GLS: variants seen among roughly 807,000 people sequenced by gnomAD.
The protein encoded by GLS is glutaminase.
GLS carries 36 observed loss-of-function variants against 86.7 expected under a neutral mutation model. The observed-to-expected ratio is 0.42, with a 90% CI of 0.32 to 0.55. The LOEUF (loss-of-function observed/expected upper bound fraction) is 0.55, where lower values mean the gene tolerates loss of function less well. GLS is among the 20% of genes least tolerant of loss of function. The pLI, the probability that GLS is intolerant of heterozygous loss-of-function variation, is 0.17. For synonymous variants in GLS, 317 were observed against 305.9 expected (o/e 1.04, Z -0.38); for missense variants, 528 against 833.4 (o/e 0.63, Z 4.51).
chr2:190,963,373 T>A lies in GLS; in HGVS notation c.*387T>A, dbSNP rs1413939524. 1 of 155,736 alleles carries A rather than the reference T, an allele frequency of 6.4e-6. No individual in the cohort carries two copies. Among genetic ancestry groups the A allele is most frequent in the African/African-American group, 2.4e-5 (1 of 41,564 alleles). 9.6% of individuals were successfully genotyped at this position (155,736 alleles called of 1,614,324 possible). A position where few individuals can be genotyped will look rare whatever the true frequency, so the allele number is the denominator to read the frequency against. On this transcript the variant is annotated 3_prime_UTR_variant, in exon 18 of 18. Transcript: ENST00000320717. ...TCTGTCCAAATGGGTCAAGGTTGCC[T>A]TTAGAAGCAAATAGTGTGATTTTCA... is the stretch of plus-strand genomic sequence containing the variant.
At chr2:190,932,254 CT>C (rs1449387855) in intron 14 of GLS, among the ~76,000 whole-genome samples, 2 of 151,690 alleles carry the variant, frequency 1.3e-5, no homozygotes, top group African/African-American at 4.8e-5. Context: ...ACATATATTC[CT>C]TTTTTTAGAA....
At chr2:190,893,214 CT>C (rs1688621846) in intron 1 of GLS, among the ~76,000 whole-genome samples, 1 of 152,094 alleles carries the variant, frequency 6.6e-6, no homozygotes, top group Non-Finnish European at 1.5e-5. Flanking sequence ...AGGATAAGAC[CT>C]AGAAAACTTG....
chr2:190,881,710 C>T (rs1011031420), intron 1 of GLS: 1 of 457,732 alleles, frequency 2.2e-6, no homozygotes, highest in Non-Finnish European at 3.9e-6. Context: ...GGGGGTCGCC[C>T]TGGTGGGGCC....
At position 190,924,872 on chromosome 2, in the gene GLS, G is replaced by A. The variant is rs1225894866; in HGVS notation, c.1248+279G>A. 1.7e-5 allele frequency: 5 copies of A among 290,102 alleles called. No homozygotes were observed. The highest frequency in any genetic ancestry group is 4.9e-5 in the Admixed American group (1 of 20,474). 18.0% of individuals were successfully genotyped at this position (290,102 alleles called of 1,614,324 possible). ...CGAGGTTGCAGTGAGCCGAGATCAC[G>A]CCACTGCATTCCAGCCTGGCGACAC... On this transcript the variant is annotated intron_variant, in intron 11 of 17. Coordinates refer to ENST00000320717, the MANE Select transcript of GLS (RefSeq NM_014905.5). This position sits in a 1 kb window ranked among gnomAD's most constrained non-coding sequence, Gnocchi z 5.2.
chr2:190,904,751 TG>T (rs1410671984), intron 5 of GLS, among the ~76,000 whole-genome samples: 7 of 152,156 alleles, frequency 4.6e-5, no homozygotes, highest in Non-Finnish European at 7.4e-5. Flanking sequence ...TATATGCAAA[TG>T]CTATATCATT....
intron 7 of GLS, among the ~76,000 whole-genome samples, chr2:190,918,664 T>C (rs1261827128): frequency 6.6e-6 from 1 of 152,178 alleles, no homozygotes; most frequent in African/African-American, 2.4e-5. Flanking sequence ...CTAACTTTGG[T>C]GCAAGAGGCT....
In GLS at chr2:190,953,408, G is replaced by A. The variant is rs1348579313; in HGVS notation, c.1651-157G>A. Among the ~76,000 whole-genome samples, 4 of 152,098 alleles carry A rather than the reference G, an allele frequency of 2.6e-5. No individual in the cohort carries two copies. Among genetic ancestry groups the A allele is most frequent in the African/African-American group, 9.7e-5 (4 of 41,402 alleles). ...GTTAAAAGAAGAAAGTATCACACAC[G>A]TGGGTTCTTTTGGCTATGGAAGTGT... On this transcript the variant is annotated intron_variant, in intron 14 of 17. Coordinates refer to ENST00000320717, the MANE Select transcript of GLS (RefSeq NM_014905.5). The surrounding 1 kb of genome is among the most constrained non-coding windows in gnomAD (Gnocchi z 4.0).
Position 190,951,729 on chromosome 2 carries a change from G to A in GLS, c.1651-1836G>A, listed in dbSNP as rs1690725494. Among the ~76,000 whole-genome samples, 1 of 152,154 alleles carries A rather than the reference G, an allele frequency of 6.6e-6. No homozygotes were observed. Among genetic ancestry groups the A allele is most frequent in the Non-Finnish European group, 1.5e-5 (1 of 68,022 alleles). Reference sequence around the variant, plus strand: ...GAAAAAAAAATTGTCAAGCAGTAATGAGAGACCAGGTGGAAATATGGAGAA... The same window carrying A: ...GAAAAAAAAATTGTCAAGCAGTAATAAGAGACCAGGTGGAAATATGGAGAA... On this transcript the variant is annotated intron_variant, in intron 14 of 17. Coordinates refer to ENST00000320717, the MANE Select transcript of GLS (RefSeq NM_014905.5). The surrounding 1 kb of genome is among the most constrained non-coding windows in gnomAD (Gnocchi z 4.2).
rs1691060120 is a variant in GLS at position 190,963,836 on chromosome 2, A to C, written c.*850A>C. Reference sequence around the variant, plus strand: ...AAGACGAACCAGAGACAAAATTACTAAGTATAAATTAGTCAAGTTTATCAG... The same window carrying C: ...AAGACGAACCAGAGACAAAATTACTCAGTATAAATTAGTCAAGTTTATCAG... On this transcript the variant is annotated 3_prime_UTR_variant, in exon 18 of 18. Transcript: ENST00000320717. 6.6e-6 allele frequency: 1 copy of C among 152,242 alleles called. No homozygotes were observed. The highest frequency in any genetic ancestry group is 2.4e-5 in the African/African-American group (1 of 41,450). The allele number at this position is 152,242 out of a possible 1,614,324, so 9.4% of individuals were successfully genotyped here.
intron 14 of GLS, among the ~76,000 whole-genome samples, chr2:190,944,524 G>A (rs1032783782): frequency 2.6e-5 from 4 of 152,122 alleles, no homozygotes; most frequent in Non-Finnish European, 4.4e-5. Flanking sequence ...AGCTGTCTTT[G>A]TCTTTGCTCA....
chr2:190,930,359 C>A lies in GLS; in HGVS notation c.1426-78C>A. On this transcript the variant is annotated intron_variant, in intron 12 of 17. Coordinates refer to ENST00000320717, the MANE Select transcript of GLS (RefSeq NM_014905.5). The surrounding 1 kb of genome is among the most constrained non-coding windows in gnomAD (Gnocchi z 5.0). ...AGGAGTGAGCCATGGTGCCCAGCCC[C>A]AGTTTCCCTATTGTTGAACATAACA... The A allele has an allele frequency of 9.2e-7, 1 of 1,092,132 alleles. No individual in the cohort carries two copies. Among genetic ancestry groups the A allele is most frequent in the Non-Finnish European group, 1.4e-6 (1 of 718,794 alleles). The allele number at this position is 1,092,132 out of a possible 1,614,324, so 67.7% of individuals were successfully genotyped here. A position where few individuals can be genotyped will look rare whatever the true frequency, so the allele number is the denominator to read the frequency against.
At position 190,943,045 on chromosome 2, in the gene GLS, T is replaced by A. The variant is rs1173814025; in HGVS notation, c.1651-10520T>A. Among the ~76,000 whole-genome samples, 2 of 152,192 alleles carry A rather than the reference T, an allele frequency of 1.3e-5. No homozygotes were observed. The highest frequency in any genetic ancestry group is 1.3e-4 in the Admixed American group (2 of 15,280). ...GCTTTACTGGAAACTCACCTGACGC[T>A]CATTGACCAGACTAACTGCAAGGGA... On this transcript the variant is annotated intron_variant, in intron 14 of 17. Transcript: ENST00000320717. This position sits in a 1 kb window ranked among gnomAD's most constrained non-coding sequence, Gnocchi z 4.5.
chr2:190,951,592 G>A lies in GLS; in HGVS notation c.1651-1973G>A, dbSNP rs768672603. Among the ~76,000 whole-genome samples, 7 of 152,240 alleles carry A rather than the reference G, an allele frequency of 4.6e-5. No individual in the cohort carries two copies. The highest frequency in any genetic ancestry group is 7.4e-5 in the Non-Finnish European group (5 of 68,026). ...AATGAGGAAGCTTTTTACTTTGAGCGATGAAAACAGTTTTTATCTTTTTAG... is the reference window on the plus strand; with the variant it reads ...AATGAGGAAGCTTTTTACTTTGAGCAATGAAAACAGTTTTTATCTTTTTAG... On this transcript the variant is annotated intron_variant, in intron 14 of 17. Transcript: ENST00000320717. The surrounding 1 kb of genome is among the most constrained non-coding windows in gnomAD (Gnocchi z 4.2).
At chr2:190,886,367 G>A (rs906446167) in intron 1 of GLS, among the ~76,000 whole-genome samples, 1 of 152,118 alleles carries the variant, frequency 6.6e-6, no homozygotes, top group African/African-American at 2.4e-5. Flanking sequence ...ACAAGAATTA[G>A]ATTCTGAGGG....
intron 14 of GLS, chr2:190,933,401 A>G: frequency 1.2e-6 from 1 of 862,906 alleles, no homozygotes; most frequent in Non-Finnish European, 1.4e-6. Context: ...GTTTACATTT[A>G]TGCCATTTTT....
At chr2:190,958,027 C>A (rs1690903567) in intron 17 of GLS, among the ~76,000 whole-genome samples, 1 of 152,072 alleles carries the variant, frequency 6.6e-6, no homozygotes. Flanking sequence ...GCTGTGAATC[C>A]GTCTGGTCCT....
chr2:190,892,518 A>G (rs146380106), intron 1 of GLS, among the ~76,000 whole-genome samples: 122 of 152,272 alleles, frequency 8.0e-4, no homozygotes, highest in African/African-American at 2.9e-3. Flanking sequence ...CCTAGTTACT[A>G]TATAGTTACC....
chr2:190,918,515 T>A (rs1028996671), intron 7 of GLS, among the ~76,000 whole-genome samples: 11 of 152,166 alleles, frequency 7.2e-5, no homozygotes, highest in African/African-American at 2.4e-4. Flanking sequence ...ATTTTTTTTT[T>A]ATCTAGACCA....
At chr2:190,892,618 G>A (rs367694407) in intron 1 of GLS, among the ~76,000 whole-genome samples, 81 of 152,256 alleles carry the variant, frequency 5.3e-4, no homozygotes, top group South Asian at 1.7e-3. Context: ...GAGAGAAAAG[G>A]GGGGTTAAGG....
Sources: gnomAD v4.1 joint callset for allele counts (sites outside exome capture counted in the v4.1 genomes callset) on GRCh38, gnomAD v4.1.1 for gene constraint, Gnocchi (gnomAD v3.1) non-coding constraint, MANE v1.5 for transcripts, NCBI Gene and HGNC (gene_info 2026-07-23, HGNC 2026-07-21) for gene names.